ST6GALNAC3: variants seen among roughly 807,000 people sequenced by gnomAD.
The protein encoded by ST6GALNAC3 is alpha-N-acetylgalactosaminide alpha-2,6-sialyltransferase 3.
Under a neutral mutation model 32.7 loss-of-function variants are expected in ST6GALNAC3, and 25 were observed. That is an observed-to-expected ratio of 0.76 (90% CI 0.56 to 1.07). ST6GALNAC3 has a LOEUF of 1.07. ST6GALNAC3 is among the 50% of genes least tolerant of loss of function. The pLI is 0.00. For missense variants in ST6GALNAC3, 355 were observed against 382.4 expected, an observed-to-expected ratio of 0.93 and a Z score of 0.60; for synonymous variants, 129 against 133.1, an observed-to-expected ratio of 0.97 and a Z score of 0.21.
Position 76,100,322 on chromosome 1 carries a change from T to C in ST6GALNAC3, c.18+25438T>C, listed in dbSNP as rs981100944. Among the ~76,000 whole-genome samples the C allele has an allele frequency of 2.0e-5, 3 of 152,146 alleles. No homozygotes were observed. In the East Asian group the frequency reaches 5.8e-4, roughly 29 times the overall value. On this transcript the variant is annotated intron_variant, in intron 1 of 4. Transcript: ENST00000328299. ...GTCAATATTTTATCACTGTGTTAGG[T>C]TTGCAGTAGTGTTTTTATAGATATA...
At chr1:76,263,998 T>A (rs1317071055) in intron 1 of ST6GALNAC3, among the ~76,000 whole-genome samples, 1 of 152,138 alleles carries the variant, frequency 6.6e-6, no homozygotes, top group Admixed American at 6.6e-5. Context: ...AATAGGGAGA[T>A]AAGAGAGGTT....
At chr1:76,099,758 C>CAA (rs1332479729) in intron 1 of ST6GALNAC3, among the ~76,000 whole-genome samples, 1 of 152,050 alleles carries the variant, frequency 6.6e-6, no homozygotes, top group Non-Finnish European at 1.5e-5. Context: ...AAACCACATC[C>CAA]TAAAAATGTA....
In ST6GALNAC3 at chr1:76,074,795, C is replaced by T; in HGVS notation, c.-72C>T. On this transcript the variant is annotated 5_prime_UTR_variant, in exon 1 of 5. Transcript: ENST00000328299. ...GAGGTCCTGCCGTGGTACCAGCCTC[C>T]AGCCTGCCCCCAGGACTGCCCCTGA... 1 of 1,536,962 alleles carries T rather than the reference C, an allele frequency of 6.5e-7. No homozygotes were observed. Among genetic ancestry groups the T allele is most frequent in the Non-Finnish European group, 8.8e-7 (1 of 1,137,946 alleles).
chr1:76,635,466 CT>C (rs1649481569), downstream of ST6GALNAC3, among the ~76,000 whole-genome samples: 1 of 152,140 alleles, frequency 6.6e-6, no homozygotes, highest in African/African-American at 2.4e-5. Context: ...CTATCACCAT[CT>C]CATATATAAG....
At chr1:76,181,054 C>G (rs1481512811) in intron 1 of ST6GALNAC3, among the ~76,000 whole-genome samples, 3 of 152,212 alleles carry the variant, frequency 2.0e-5, no homozygotes, top group African/African-American at 4.8e-5. Context: ...GTCACAGGCT[C>G]CCATCCCTGG....
At chr1:76,505,829 T>G (rs1268264596) in intron 3 of ST6GALNAC3, among the ~76,000 whole-genome samples, 1 of 152,084 alleles carries the variant, frequency 6.6e-6, no homozygotes, top group African/African-American at 2.4e-5. Flanking sequence ...TTAAAATAGA[T>G]GCATGGGGCA....
intron 1 of ST6GALNAC3, among the ~76,000 whole-genome samples, chr1:76,214,585 C>G (rs929019304): frequency 6.6e-6 from 1 of 152,152 alleles, no homozygotes; most frequent in Non-Finnish European, 1.5e-5. Context: ...TACACATTTA[C>G]TTCAGTGACT....
intron 3 of ST6GALNAC3, among the ~76,000 whole-genome samples, chr1:76,545,939 G>A (rs1664273279): frequency 2.0e-5 from 3 of 152,196 alleles, no homozygotes; most frequent in Non-Finnish European, 4.4e-5. Context: ...GATCACTGGC[G>A]TGAGCCACCG....
At chr1:76,478,845 C>T (rs1659526048) in intron 3 of ST6GALNAC3, among the ~76,000 whole-genome samples, 1 of 144,560 alleles carries the variant, frequency 6.9e-6, no homozygotes, top group Non-Finnish European at 1.5e-5. Flanking sequence ...TCACTGTAAG[C>T]TCTGCCTCCT....
chr1:76,438,793 T>C (rs1389613964), intron 3 of ST6GALNAC3, among the ~76,000 whole-genome samples: 1 of 152,132 alleles, frequency 6.6e-6, no homozygotes, highest in Non-Finnish European at 1.5e-5. Context: ...GCTATGCCCA[T>C]GTCTAGGCAG....
intron 3 of ST6GALNAC3, among the ~76,000 whole-genome samples, chr1:76,621,566 C>T (rs1212720307): frequency 6.6e-6 from 1 of 151,960 alleles, no homozygotes; most frequent in Non-Finnish European, 1.5e-5. Flanking sequence ...TAGCTCCCGA[C>T]TATTGAATGA....
intron 1 of ST6GALNAC3, among the ~76,000 whole-genome samples, chr1:76,144,291 A>G (rs1488433953): frequency 6.6e-6 from 1 of 152,194 alleles, no homozygotes; most frequent in East Asian, 1.9e-4. Flanking sequence ...AGGATGGAGG[A>G]AAGGGCAACC....
chr1:76,623,802 C>T (rs1466147644), intron 3 of ST6GALNAC3, among the ~76,000 whole-genome samples: 1 of 151,892 alleles, frequency 6.6e-6, no homozygotes, highest in Non-Finnish European at 1.5e-5. Context: ...CCAGTATGCT[C>T]ACACAGCAAC....
At chr1:76,566,982 T>A (rs144669384) in intron 3 of ST6GALNAC3, among the ~76,000 whole-genome samples, 2 of 151,762 alleles carry the variant, frequency 1.3e-5, no homozygotes, top group Non-Finnish European at 2.9e-5. Context: ...CAGTTGGCCA[T>A]CCTACCCTTA....
chr1:76,169,927 T>C (rs1652368057), intron 1 of ST6GALNAC3, among the ~76,000 whole-genome samples: 1 of 152,208 alleles, frequency 6.6e-6, no homozygotes, highest in Non-Finnish European at 1.5e-5. Context: ...ACACTGACTT[T>C]TTGAATTTTC....
At chr1:76,342,603 A>T (rs1648142686) in intron 2 of ST6GALNAC3, among the ~76,000 whole-genome samples, 1 of 151,012 alleles carries the variant, frequency 6.6e-6, no homozygotes, top group Non-Finnish European at 1.5e-5. Flanking sequence ...TCTGGATATT[A>T]GCCCTTTGTC....
At chr1:76,523,201 G>A (rs1406906954) in intron 3 of ST6GALNAC3, among the ~76,000 whole-genome samples, 1 of 151,892 alleles carries the variant, frequency 6.6e-6, no homozygotes, top group Non-Finnish European at 1.5e-5. Flanking sequence ...AACATGACTG[G>A]TTCAGATTTT....
At chr1:76,453,059 A>G (rs1201191252) in intron 3 of ST6GALNAC3, among the ~76,000 whole-genome samples, 1 of 152,110 alleles carries the variant, frequency 6.6e-6, no homozygotes, top group Non-Finnish European at 1.5e-5. Context: ...TTTCTAGTTT[A>G]TGCGCATAGA....
At chr1:76,328,506 T>G (rs1439984251) in intron 2 of ST6GALNAC3, among the ~76,000 whole-genome samples, 1 of 152,180 alleles carries the variant, frequency 6.6e-6, no homozygotes, top group Non-Finnish European at 1.5e-5. Flanking sequence ...TCTACCTACA[T>G]TTTTCAAAAT....
Sources: allele counts gnomAD v4.1 joint callset (sites outside exome capture counted in the v4.1 genomes callset), GRCh38; gene constraint gnomAD v4.1.1; transcripts MANE v1.5; gene names NCBI Gene and HGNC (gene_info 2026-07-23, HGNC 2026-07-21).